FARS2: variants seen among roughly 807,000 people sequenced by gnomAD.
FARS2 encodes the protein phenylalanine--tRNA ligase, mitochondrial.
A neutral mutation model predicts 46.4 loss-of-function variants in FARS2; 40 were observed. The ratio of observed to expected loss-of-function variants is 0.86; its 90% CI spans 0.67 to 1.12. The LOEUF (loss-of-function observed/expected upper bound fraction) is 1.12. FARS2 is among the 50% of genes most tolerant of loss of function. The probability of loss-of-function intolerance (pLI) is 0.00; values close to 1 mark genes in which losing one functional copy is unlikely to be tolerated. For missense variants in FARS2, 513 were observed against 567.9 expected (o/e 0.90, Z 0.98); for synonymous variants, 234 against 214.9 (o/e 1.09, Z -0.78).
intron 6 of FARS2, among the ~76,000 whole-genome samples, chr6:5,662,473 G>A (rs1180100120): frequency 1.1e-4 from 16 of 152,152 alleles, no homozygotes; most frequent in Non-Finnish European, 1.5e-5. Context: ...TCACGTTGCC[G>A]CTTGCATTTG....
intron 1 of FARS2, among the ~76,000 whole-genome samples, chr6:5,326,488 G>A (rs1258946331): frequency 1.3e-5 from 2 of 152,186 alleles, no homozygotes; most frequent in African/African-American, 4.8e-5. Context: ...GGCTTGGTGT[G>A]CCTGCTCCGA....
At position 5,343,463 on chromosome 6, in the gene FARS2, C is replaced by T. The variant is rs1757021156; in HGVS notation, c.-21-25087C>T. On this transcript the variant is annotated intron_variant, in intron 1 of 6. Coordinates refer to ENST00000274680, the MANE Select transcript of FARS2 (RefSeq NM_006567.5). This position sits in a 1 kb window ranked among gnomAD's most constrained non-coding sequence, Gnocchi z 4.5. ...CTGACCTCAGGTGATCCACCCGCCT[C>T]GGCCTCTGAAAGTGCTGGGATTACA... 1.3e-5 allele frequency among the ~76,000 whole-genome samples: 2 copies of T among 152,136 alleles called. No individual in the cohort carries two copies. The highest frequency in any genetic ancestry group is 2.4e-5 in the African/African-American group (1 of 41,412).
intron 1 of FARS2, among the ~76,000 whole-genome samples, chr6:5,272,870 C>T (rs981498265): frequency 2.4e-4 from 36 of 152,298 alleles, no homozygotes; most frequent in African/African-American, 8.2e-4. Context: ...CCATGAGATT[C>T]ACTTTTTTAG....
chr6:5,450,094 C>T (rs1418690360), intron 4 of FARS2, among the ~76,000 whole-genome samples: 1 of 152,200 alleles, frequency 6.6e-6, no homozygotes, highest in African/African-American at 2.4e-5. Context: ...AGAAGTGAAC[C>T]TGTGTAGTTC....
rs533970387 is a variant in FARS2, at chr6:5,614,602, A to G, written c.1217+1282A>G. On this transcript the variant is annotated intron_variant, in intron 6 of 6. Coordinates refer to ENST00000274680, the MANE Select transcript of FARS2 (RefSeq NM_006567.5). ...TTTTTTTGTATTTTTTAGTAGAGAC[A>G]GGGTTTCACCGTGGTCTCCATCTCC... Among the ~76,000 whole-genome samples, 14 of 152,202 alleles carry G rather than the reference A, an allele frequency of 9.2e-5. 1 individual carries two copies. Among genetic ancestry groups the G allele is most frequent in the Admixed American group, 2.6e-4 (4 of 15,288 alleles).
At chr6:5,413,198 A>G (rs927400291) in intron 3 of FARS2, among the ~76,000 whole-genome samples, 1 of 152,236 alleles carries the variant, frequency 6.6e-6, no homozygotes, top group Non-Finnish European at 1.5e-5. Context: ...CTGAACTATA[A>G]TACTTTTAAG....
intron 4 of FARS2, among the ~76,000 whole-genome samples, chr6:5,511,920 A>G (rs938914736): frequency 4.6e-5 from 7 of 152,370 alleles, no homozygotes; most frequent in South Asian, 4.1e-4. Context: ...TTCATTAATC[A>G]GAACTTTTCA....
At chr6:5,331,550 A>T (rs1770800227) in intron 1 of FARS2, among the ~76,000 whole-genome samples, 1 of 152,178 alleles carries the variant, frequency 6.6e-6, no homozygotes, top group Non-Finnish European at 1.5e-5. Flanking sequence ...TGGTGCTATT[A>T]TTGCCAATAG....
intron 6 of FARS2, among the ~76,000 whole-genome samples, chr6:5,715,049 G>A (rs145072213): frequency 6.6e-6 from 1 of 152,170 alleles, no homozygotes; most frequent in East Asian, 1.9e-4. Flanking sequence ...AAAACAATTT[G>A]ATGTCCAGTG....
In FARS2 at chr6:5,368,635, A is replaced by G; in HGVS notation, c.65A>G (p.His22Arg). The change falls in exon 2 of 7, where the codon CAC becomes CGC. Residue 22 changes from histidine (H) to arginine (R), a missense_variant. Coordinates refer to ENST00000274680, the MANE Select transcript of FARS2 (RefSeq NM_006567.5). ...AYVYLVSKAS[H>R]ISRGHQHQAW... is the part of the protein sequence containing the mutation. ...GTCTACCTGGTGAGTAAGGCCAGTC[A>G]CATCTCCAGAGGCCATCAGCACCAG... 7 of 1,614,168 alleles carry G rather than the reference A, an allele frequency of 4.3e-6. No individual in the cohort carries two copies. Among genetic ancestry groups the G allele is most frequent in the Non-Finnish European group, 5.9e-6 (7 of 1,180,020 alleles).
At chr6:5,380,416 T>C (rs890491077) in intron 2 of FARS2, among the ~76,000 whole-genome samples, 1 of 152,192 alleles carries the variant, frequency 6.6e-6, no homozygotes, top group Admixed American at 6.5e-5. Flanking sequence ...CAAAAATATT[T>C]TCACAGAGAA....
At chr6:5,532,959 A>G (rs1181256161) in intron 4 of FARS2, among the ~76,000 whole-genome samples, 3 of 151,854 alleles carry the variant, frequency 2.0e-5, no homozygotes, top group Admixed American at 6.6e-5. Context: ...TTTTTTTTCA[A>G]TATGTAGTAG....
intron 6 of FARS2, among the ~76,000 whole-genome samples, chr6:5,725,249 C>T (rs1015560495): frequency 3.9e-5 from 6 of 152,096 alleles, no homozygotes; most frequent in Non-Finnish European, 5.9e-5. Context: ...TGAACATGGG[C>T]GCTGGGGTGT....
At chr6:5,345,486 G>A (rs1757171364) in intron 1 of FARS2, among the ~76,000 whole-genome samples, 1 of 152,198 alleles carries the variant, frequency 6.6e-6, no homozygotes, top group Admixed American at 6.6e-5. Flanking sequence ...CTTGATTACA[G>A]CAAAAGTTCA....
rs142559054 is a variant in FARS2, at chr6:5,371,127, C to A, written c.612+1945C>A. ...CTTTTTTTCATGACACTCCTTTCTA[C>A]GTGGGACCTGCTTATGACCCAAAGG... On this transcript the variant is annotated intron_variant, in intron 2 of 6. Transcript: ENST00000274680. The A allele has an allele frequency of 6.0e-5, 54 of 907,450 alleles. No homozygotes were observed. The Middle Eastern group carries it at 2.3e-3, about 38-fold the overall frequency. The allele number at this position is 907,450 out of a possible 1,614,324, so 56.2% of individuals were successfully genotyped here. A position where few individuals can be genotyped will look rare whatever the true frequency, so the allele number is the denominator to read the frequency against.
chr6:5,745,050 A>G (rs1184807688), intron 6 of FARS2, among the ~76,000 whole-genome samples: 1 of 152,250 alleles, frequency 6.6e-6, no homozygotes, highest in Non-Finnish European at 1.5e-5. Context: ...CATTCATGCC[A>G]CAATGAGCAT....
intron 2 of FARS2, among the ~76,000 whole-genome samples, chr6:5,395,121 G>C (rs910928049): frequency 2.4e-4 from 36 of 152,232 alleles, no homozygotes; most frequent in African/African-American, 8.4e-4. Flanking sequence ...TGTGATCTTG[G>C]CTCGCTTCAA....
chr6:5,491,910 A>AT (rs56845547), intron 4 of FARS2, among the ~76,000 whole-genome samples: 239 of 148,658 alleles, frequency 1.6e-3, no homozygotes, highest in South Asian at 4.0e-3. Flanking sequence ...TATTGTAAAG[A>AT]TTTTTTTTTT....
At chr6:5,416,848 C>G (rs961841720) in intron 3 of FARS2, among the ~76,000 whole-genome samples, 8 of 152,150 alleles carry the variant, frequency 5.3e-5, no homozygotes, top group African/African-American at 1.9e-4. Context: ...GCTGTTACCC[C>G]ACTTCTGTAT....
Sources: gnomAD v4.1 joint callset for allele counts (sites outside exome capture counted in the v4.1 genomes callset) on GRCh38, gnomAD v4.1.1 for gene constraint, Gnocchi (gnomAD v3.1) non-coding constraint, MANE v1.5 for transcripts, NCBI Gene and HGNC (gene_info 2026-07-23, HGNC 2026-07-21) for gene names.